Variants in RTN4RL1 observed in about 807,000 individuals in gnomAD.
RTN4RL1 encodes the protein reticulon 4 receptor like 1, also known as reticulon-4 receptor-like 1.
Under a neutral mutation model 25.6 loss-of-function variants are expected in RTN4RL1, and 7 were observed. The observed-to-expected ratio is 0.27, with a 90% confidence interval of 0.16 to 0.51. The LOEUF (loss-of-function observed/expected upper bound fraction) is 0.51. Among genes scored for constraint, RTN4RL1 ranks in the 20% least tolerant of loss-of-function variants. The pLI, the probability that RTN4RL1 is intolerant of heterozygous loss-of-function variation, is 0.97. For missense variants in RTN4RL1, 500 were observed against 615.6 expected, an observed-to-expected ratio of 0.81 and a Z score of 1.99; for synonymous variants, 297 against 288.2, an observed-to-expected ratio of 1.03 and a Z score of -0.31.
intron 1 of RTN4RL1, among the ~76,000 whole-genome samples, chr17:2,014,321 A>C (rs1361274599): frequency 2.0e-5 from 3 of 152,194 alleles, no homozygotes; most frequent in Non-Finnish European, 4.4e-5. Context: ...ATCACATAAA[A>C]GTATTATCAT....
chr17:2,004,487 T>G (rs1054478409), intron 1 of RTN4RL1, among the ~76,000 whole-genome samples: 1 of 151,724 alleles, frequency 6.6e-6, no homozygotes, highest in South Asian at 2.1e-4. Context: ...CGGGGGACCC[T>G]GTTTCAGAGA....
Position 1,966,677 on chromosome 17 carries a change from T to C in RTN4RL1, c.14-28869A>G, listed in dbSNP as rs868134799. On this transcript the variant is annotated intron_variant, in intron 1 of 1. Transcript: ENST00000331238. ...CCCCACCCACTAACATAGCCAAGGG[T>C]CTGATGTTGGGTGTGGAGGCTCCTA... is the stretch of plus-strand genomic sequence containing the variant. 3.3e-5 allele frequency among the ~76,000 whole-genome samples: 5 copies of C among 151,982 alleles called. No individual in the cohort carries two copies. The South Asian group carries it at 6.2e-4, about 19-fold the overall frequency.
intron 1 of RTN4RL1, among the ~76,000 whole-genome samples, chr17:1,993,234 C>T (rs780381762): frequency 7.2e-5 from 11 of 151,882 alleles, no homozygotes; most frequent in Admixed American, 2.0e-4. Flanking sequence ...GGTGACAGAG[C>T]GAAACTCTGT....
intron 1 of RTN4RL1, among the ~76,000 whole-genome samples, chr17:2,017,200 T>C (rs2067135595): frequency 6.6e-6 from 1 of 152,198 alleles, no homozygotes; most frequent in African/African-American, 2.4e-5. Context: ...GTGGGGATGA[T>C]TTTGGAGGCA....
intron 1 of RTN4RL1, among the ~76,000 whole-genome samples, chr17:1,981,917 G>T (rs970759450): frequency 6.6e-6 from 1 of 152,236 alleles, no homozygotes; most frequent in African/African-American, 2.4e-5. Context: ...AGGCTATATG[G>T]GATAGCCCAC....
chr17:2,023,531 C>T (rs995995027), intron 1 of RTN4RL1: 3 of 152,372 alleles, frequency 2.0e-5, no homozygotes, highest in African/African-American at 7.2e-5. Flanking sequence ...TCGGCCCAAG[C>T]TAGGACCACC....
intron 1 of RTN4RL1, among the ~76,000 whole-genome samples, chr17:2,012,564 T>C (rs1290777864): frequency 6.6e-6 from 1 of 152,164 alleles, no homozygotes; most frequent in African/African-American, 2.4e-5. Context: ...CTGTTTCTAT[T>C]TTTTTCTTTC....
chr17:1,969,370 C>T (rs1458929456), intron 1 of RTN4RL1, among the ~76,000 whole-genome samples: 1 of 152,094 alleles, frequency 6.6e-6, no homozygotes, highest in African/African-American at 2.4e-5. Flanking sequence ...ACCACTGTCT[C>T]TAGCAAACAA....
At chr17:2,019,867 C>A (rs777681470) in intron 1 of RTN4RL1, 3 of 152,232 alleles carry the variant, frequency 2.0e-5, no homozygotes, top group Non-Finnish European at 4.4e-5. Flanking sequence ...TGGTGGGAAC[C>A]GAACCAAAAC....
intron 1 of RTN4RL1, among the ~76,000 whole-genome samples, chr17:1,939,439 C>T (rs1915396594): frequency 6.6e-6 from 1 of 151,968 alleles, no homozygotes. Context: ...TGTGGATGTC[C>T]TGAGAGGGCG....
chr17:2,005,801 CTTT>C (rs369950675), intron 1 of RTN4RL1, among the ~76,000 whole-genome samples: 1 of 107,694 alleles, frequency 9.3e-6, no homozygotes, highest in Non-Finnish European at 2.2e-5. Flanking sequence ...TTCTTTCTTC[CTTT>C]TTTTTTTTTT....
intron 1 of RTN4RL1, among the ~76,000 whole-genome samples, chr17:1,939,269 C>T (rs539321710): frequency 3.0e-4 from 45 of 150,848 alleles, no homozygotes; most frequent in African/African-American, 6.3e-4. Flanking sequence ...AGGAGAATAG[C>T]GTGAACCCGG....
chr17:1,955,768 G>A (rs190250209), intron 1 of RTN4RL1, among the ~76,000 whole-genome samples: 48 of 151,706 alleles, frequency 3.2e-4, no homozygotes, highest in African/African-American at 1.1e-3. Flanking sequence ...ATTTTTAGTA[G>A]AGACAGGGTT....
intron 1 of RTN4RL1, among the ~76,000 whole-genome samples, chr17:1,979,475 T>TA (rs902291028): frequency 3.5e-4 from 52 of 149,106 alleles, no homozygotes; most frequent in African/African-American, 1.2e-3. Flanking sequence ...AGACCCTGTC[T>TA]AAAAAAAAGA....
chr17:1,948,406 C>T (rs1449065961), intron 1 of RTN4RL1, among the ~76,000 whole-genome samples: 1 of 152,226 alleles, frequency 6.6e-6, no homozygotes, highest in South Asian at 2.1e-4. Context: ...GGCTGAAGGC[C>T]GAGGGCTTCT....
intron 1 of RTN4RL1, among the ~76,000 whole-genome samples, chr17:2,001,927 T>TGGGGGAGGGA (rs1555520652): frequency 2.1e-5 from 3 of 146,194 alleles, no homozygotes; most frequent in South Asian, 2.2e-4. Context: ...ACTTCAGCCC[T>TGGGGGAGGGA]GGGGGAGGGG....
At position 2,024,889 on chromosome 17, in the gene RTN4RL1, G is replaced by A; in HGVS notation, c.-24C>T. 1 of 1,582,834 alleles carries A rather than the reference G, an allele frequency of 6.3e-7. No individual in the cohort carries two copies. Among genetic ancestry groups the A allele is most frequent in the Non-Finnish European group, 8.6e-7 (1 of 1,165,356 alleles). The stretch of plus-strand genomic sequence containing the variant: ...ATGTTGGCCACGGGGCCGCCGCTCC[G>A]AGGTCGGCCTAGGCGCACTCCCTCC... On this transcript the variant is annotated 5_prime_UTR_variant, in exon 1 of 2. Transcript: ENST00000331238.
At chr17:1,976,032 GC>G (rs1379800358) in intron 1 of RTN4RL1, among the ~76,000 whole-genome samples, 4 of 152,202 alleles carry the variant, frequency 2.6e-5, no homozygotes, top group Non-Finnish European at 5.9e-5. Context: ...CACTCAAAAT[GC>G]CTTTTAAAAA....
intron 1 of RTN4RL1, among the ~76,000 whole-genome samples, chr17:1,997,809 C>T (rs1342517779): frequency 1.3e-5 from 2 of 152,248 alleles, no homozygotes; most frequent in African/African-American, 2.4e-5. Flanking sequence ...GGGAGGTCCC[C>T]GCCCCCTTCA....
Sources: allele counts gnomAD v4.1 joint callset (sites outside exome capture counted in the v4.1 genomes callset), GRCh38; gene constraint gnomAD v4.1.1; transcripts MANE v1.5; gene names NCBI Gene and HGNC (gene_info 2026-07-23, HGNC 2026-07-21).